SSH2: variants seen among roughly 807,000 people sequenced by gnomAD.
The protein encoded by SSH2 is slingshot protein phosphatase 2, also known as protein phosphatase Slingshot homolog 2.
In SSH2, 37 loss-of-function variants were observed where a neutral mutation model predicts 135.2. That is an observed-to-expected ratio of 0.27 (90% CI 0.21 to 0.36). The LOEUF is 0.36. Ranked by LOEUF, SSH2 falls within the 10% of genes least tolerant of loss-of-function variation. The pLI is 1.00. For synonymous variants in SSH2, 628 were observed against 646.2 expected, an observed-to-expected ratio of 0.97 and a Z score of 0.43; for missense variants, 1,408 against 1,765.3, an observed-to-expected ratio of 0.80 and a Z score of 3.63.
chr17:29,734,690 T>G (rs1751104231), intron 3 of SSH2, among the ~76,000 whole-genome samples: 1 of 152,218 alleles, frequency 6.6e-6, no homozygotes, highest in Non-Finnish European at 1.5e-5. Flanking sequence ...TATTTTACCC[T>G]AACATTGCTT....
At chr17:29,777,742 GC>G (rs2041735731) in intron 3 of SSH2, 1 of 165,896 alleles carries the variant, frequency 6.0e-6, no homozygotes, top group African/African-American at 2.7e-5. Flanking sequence ...CTTGGAGACA[GC>G]CCTTTCCAAT....
At chr17:29,929,848 G>T in intron 1 of SSH2, 90 bp downstream of exon 1, 1 of 1,258,362 alleles carries the variant, frequency 7.9e-7, no homozygotes, top group Non-Finnish European at 1.1e-6. Context: ...GCGGCGCGGC[G>T]CGTGCGCAGT....
intron 2 of SSH2, among the ~76,000 whole-genome samples, chr17:29,817,738 G>A (rs2042582280): frequency 6.6e-6 from 1 of 152,078 alleles, no homozygotes; most frequent in African/African-American, 2.4e-5. Flanking sequence ...GATAACCTAT[G>A]AACAATCTCT....
At chr17:29,828,450 AC>A (rs1460544917) in intron 2 of SSH2, among the ~76,000 whole-genome samples, 1 of 152,216 alleles carries the variant, frequency 6.6e-6, no homozygotes, top group East Asian at 1.9e-4. Flanking sequence ...TCCTAGTTCC[AC>A]AAAAATGGAT....
In SSH2 at chr17:29,702,963, A is replaced by C; in HGVS notation, c.288T>G (p.His96Gln). ...TGGTGTATATGCAAGCATTACCTGCATGCTTGTTCCGTCTGTGGCTGATTC... is the reference window on the plus strand; with the variant it reads ...TGGTGTATATGCAAGCATTACCTGCCTGCTTGTTCCGTCTGTGGCTGATTC... Reference protein sequence around the residue: ...TPRISHRRNKHAGDLQQHLQA... With the variant: ...TPRISHRRNKQAGDLQQHLQA... Residue 96 changes from histidine (H) to glutamine (Q), a missense_variant, in exon 4 of 16, where the codon CAT becomes CAG. Physicochemically the swap from His to Gln is conservative, Grantham distance 24. This residue lies in a region of SSH2 where 222 missense variants were observed against 355.6 expected (regional missense o/e 0.62). Coordinates refer to ENST00000540801, the MANE Select transcript of SSH2 (RefSeq NM_001282129.2). 1 of 1,611,996 alleles carries C rather than the reference A, an allele frequency of 6.2e-7. No homozygotes were observed. The highest frequency in any genetic ancestry group is 8.5e-7 in the Non-Finnish European group (1 of 1,178,082).
In SSH2 at chr17:29,636,825, G is replaced by T. The variant is rs369969106; in HGVS notation, c.1428-23C>A. 3.6e-5 allele frequency: 55 copies of T among 1,515,894 alleles called. 1 individual carries two copies. The highest frequency in any genetic ancestry group is 2.8e-4 in the South Asian group (24 of 84,796). 93.9% of individuals were successfully genotyped at this position (1,515,894 alleles called of 1,614,324 possible). On this transcript the variant is annotated intron_variant, in intron 14 of 15. Coordinates refer to ENST00000540801, the MANE Select transcript of SSH2 (RefSeq NM_001282129.2). ...TTGCTGTGGAGGACATACACAGGAAGTATCTTAATCTGGTTTGTAAAGATA... is the reference window on the plus strand; with the variant it reads ...TTGCTGTGGAGGACATACACAGGAATTATCTTAATCTGGTTTGTAAAGATA...
Position 29,684,638 on chromosome 17 carries a change from A to G in SSH2, c.404T>C (p.Val135Ala), listed in dbSNP as rs1173707796. The G allele has an allele frequency of 6.2e-7, 1 of 1,613,470 alleles. No individual in the cohort carries two copies. Among genetic ancestry groups the G allele is most frequent in the African/African-American group, 1.3e-5 (1 of 74,884 alleles). ...TTGTCTACCATTAGTTGAAACCACT[A>G]CCATATAGCGTGTTCGATTCTGGTA... ...STYQNRTRYM[V>A]VVSTNGRQDT... The change falls in exon 6 of 16, where the codon GTA becomes GCA. Residue 135 changes from valine (V) to alanine (A), a missense_variant. Coordinates refer to ENST00000540801, the MANE Select transcript of SSH2 (RefSeq NM_001282129.2).
intron 3 of SSH2, among the ~76,000 whole-genome samples, chr17:29,763,849 C>T (rs1204840753): frequency 1.3e-5 from 2 of 152,024 alleles, no homozygotes; most frequent in Non-Finnish European, 2.9e-5. Flanking sequence ...GCTATGTTAA[C>T]GTCCCTATCC....
At chr17:29,706,582 G>T (rs2039209015) in intron 3 of SSH2, among the ~76,000 whole-genome samples, 1 of 152,190 alleles carries the variant, frequency 6.6e-6, no homozygotes, top group African/African-American at 2.4e-5. Context: ...GTGACAGGAT[G>T]AGTGGGCCAC....
intron 5 of SSH2, among the ~76,000 whole-genome samples, chr17:29,688,009 T>G (rs982954395): frequency 2.5e-4 from 11 of 44,266 alleles, no homozygotes; most frequent in South Asian, 2.3e-3. Flanking sequence ...AACATTAGTG[T>G]TTTTTTTTTT....
intron 3 of SSH2, among the ~76,000 whole-genome samples, chr17:29,769,951 C>A (rs2041532638): frequency 6.6e-6 from 1 of 152,108 alleles, no homozygotes; most frequent in Admixed American, 6.6e-5. Flanking sequence ...TAAACTCTTC[C>A]TTCTAGCCTA....
intron 2 of SSH2, among the ~76,000 whole-genome samples, chr17:29,830,571 G>GAAGAATCATGTT (rs2042827593): frequency 2.0e-5 from 3 of 152,186 alleles, no homozygotes; most frequent in Admixed American, 6.5e-5. Flanking sequence ...GTTTCAAAGG[G>GAAGAATCATGTT]AAGAATCATG....
intron 1 of SSH2, among the ~76,000 whole-genome samples, chr17:29,911,242 C>T (rs1282848516): frequency 6.6e-6 from 1 of 151,644 alleles, no homozygotes; most frequent in Non-Finnish European, 1.5e-5. Flanking sequence ...TTCCACTCAA[C>T]AAGTGTAGGT....
At chr17:29,688,667 T>A (rs1309663871) in intron 5 of SSH2, among the ~76,000 whole-genome samples, 1 of 152,156 alleles carries the variant, frequency 6.6e-6, no homozygotes, top group Non-Finnish European at 1.5e-5. Flanking sequence ...GGTTTCACCA[T>A]GTTGTCCAGA....
intron 1 of SSH2, among the ~76,000 whole-genome samples, chr17:29,906,549 A>G (rs906065724): frequency 3.9e-5 from 6 of 152,230 alleles, no homozygotes; most frequent in African/African-American, 1.4e-4. Context: ...TGCACTCCAA[A>G]ATAAACTATA....
intron 3 of SSH2, chr17:29,716,429 T>A: frequency 1.5e-6 from 1 of 647,522 alleles, no homozygotes; most frequent in East Asian, 3.2e-5. Context: ...ACACATTAAT[T>A]CTCTTGGCAA....
At chr17:29,821,553 T>C (rs78890224) in intron 2 of SSH2, among the ~76,000 whole-genome samples, 1,605 of 151,044 alleles carry the variant, frequency 0.011, 10 homozygotes, top group Admixed American at 0.018. Flanking sequence ...GACTTAAAAA[T>C]GATGAAAAAC....
chr17:29,657,872 G>A (rs989950213), intron 11 of SSH2, among the ~76,000 whole-genome samples: 3 of 151,980 alleles, frequency 2.0e-5, no homozygotes, highest in African/African-American at 7.3e-5. Context: ...ACCACACCCA[G>A]CCTAGCTTTA....
intron 5 of SSH2, among the ~76,000 whole-genome samples, chr17:29,688,290 C>A (rs892412333): frequency 1.1e-4 from 17 of 151,950 alleles, no homozygotes; most frequent in Admixed American, 1.1e-3. Flanking sequence ...ATTACAGGTG[C>A]GAGCCACTAC....
Sources: gnomAD v4.1 joint callset for allele counts (sites outside exome capture counted in the v4.1 genomes callset) on GRCh38, gnomAD v4.1.1 for gene constraint, gnomAD v4.1.1 regional missense constraint, MANE v1.5 for transcripts, NCBI Gene and HGNC (gene_info 2026-07-23, HGNC 2026-07-21) for gene names.